Variants in MAN1A1 observed in about 807,000 individuals in gnomAD.
The protein encoded by MAN1A1 is mannosyl-oligosaccharide 1,2-alpha-mannosidase IA.
A neutral mutation model predicts 70.8 loss-of-function variants in MAN1A1; 29 were observed. That is an observed-to-expected ratio of 0.41 (90% CI 0.31 to 0.56). MAN1A1 has a LOEUF of 0.56. Ranked by LOEUF, MAN1A1 falls within the 20% of genes least tolerant of loss-of-function variation. The pLI is 0.29. For synonymous variants in MAN1A1, 349 were observed against 330.1 expected (o/e 1.06, Z -0.62); for missense variants, 747 against 841.3 (o/e 0.89, Z 1.39).
At chr6:119,286,246 A>C (rs961359969) in intron 5 of MAN1A1, among the ~76,000 whole-genome samples, 5 of 152,062 alleles carry the variant, frequency 3.3e-5, no homozygotes, top group African/African-American at 1.2e-4. Context: ...TTTTCTAGAG[A>C]ATTTCTAAAC....
intron 2 of MAN1A1, among the ~76,000 whole-genome samples, chr6:119,343,982 A>G (rs2114512319): frequency 1.3e-5 from 2 of 152,326 alleles, no homozygotes; most frequent in South Asian, 4.1e-4. Flanking sequence ...AATTCTCTTC[A>G]ATGAAAAATT....
At chr6:119,206,332 C>T (rs1385385505) in intron 6 of MAN1A1, among the ~76,000 whole-genome samples, 1 of 152,112 alleles carries the variant, frequency 6.6e-6, no homozygotes, top group Non-Finnish European at 1.5e-5. Context: ...TGTTTTTTGC[C>T]ATGTATCAGT....
chr6:119,207,842 G>A (rs569050388), intron 6 of MAN1A1, among the ~76,000 whole-genome samples: 11 of 152,208 alleles, frequency 7.2e-5, no homozygotes, highest in East Asian at 5.8e-4. Context: ...ACAGTGTCTC[G>A]GGCATTCCCG....
intron 4 of MAN1A1, among the ~76,000 whole-genome samples, chr6:119,298,156 G>A (rs190256715): frequency 3.3e-5 from 5 of 152,258 alleles, no homozygotes; most frequent in Middle Eastern, 3.4e-3. Flanking sequence ...ATTACTTTGA[G>A]TTAAAATTAG....
In MAN1A1 at chr6:119,266,052, G is replaced by A. The variant is rs78053366; in HGVS notation, c.898-17698C>T. Among the ~76,000 whole-genome samples the A allele has an allele frequency of 5.9e-3, 899 of 151,958 alleles. 29 individuals carry two copies. The East Asian group carries it at 0.09, about 15-fold the overall frequency. On this transcript the variant is annotated intron_variant, in intron 5 of 12. Transcript: ENST00000368468. Reference sequence around the variant, plus strand: ...AAAAATGAAATACTTAGATATAAACGTAACAAAATATGTACAAGATCCATA... The same window carrying A: ...AAAAATGAAATACTTAGATATAAACATAACAAAATATGTACAAGATCCATA...
At chr6:119,258,994 G>GT (rs1205723472) in intron 5 of MAN1A1, among the ~76,000 whole-genome samples, 1 of 152,080 alleles carries the variant, frequency 6.6e-6, no homozygotes, top group South Asian at 2.1e-4. Context: ...AGGAACAAGT[G>GT]TTTTTTAAAA....
At chr6:119,301,314 A>AT (rs2114439837) in intron 4 of MAN1A1, among the ~76,000 whole-genome samples, 1 of 152,350 alleles carries the variant, frequency 6.6e-6, no homozygotes, top group South Asian at 2.1e-4. Flanking sequence ...ATTAGAGCTG[A>AT]TAAGACGTAG....
intron 2 of MAN1A1, among the ~76,000 whole-genome samples, chr6:119,319,362 T>A (rs751125881): frequency 2.8e-5 from 3 of 107,100 alleles, no homozygotes; most frequent in Admixed American, 1.7e-4. Context: ...ATGGTAAAAA[T>A]AATAATAATA....
At chr6:119,216,371 C>T (rs1360788842) in intron 6 of MAN1A1, among the ~76,000 whole-genome samples, 2 of 152,056 alleles carry the variant, frequency 1.3e-5, no homozygotes, top group South Asian at 2.1e-4. Flanking sequence ...GATGGACTGA[C>T]GTGGAGGAAC....
At chr6:119,185,045 A>C (rs981862921) in intron 11 of MAN1A1, among the ~76,000 whole-genome samples, 1 of 152,088 alleles carries the variant, frequency 6.6e-6, no homozygotes, top group African/African-American at 2.4e-5. Flanking sequence ...GTGTGCCAGC[A>C]TGACGGGCTA....
intron 8 of MAN1A1, among the ~76,000 whole-genome samples, chr6:119,199,052 C>T (rs1026940031): frequency 2.6e-5 from 4 of 152,166 alleles, no homozygotes; most frequent in Non-Finnish European, 2.9e-5. Context: ...ATGCTTTGGT[C>T]ATTTGGAAAA....
At chr6:119,325,288 G>C (rs1045481897) in intron 2 of MAN1A1, among the ~76,000 whole-genome samples, 10 of 135,132 alleles carry the variant, frequency 7.4e-5, no homozygotes, top group Non-Finnish European at 1.0e-4. Flanking sequence ...TAGAGTTTTT[G>C]CTCCTAACTT....
Position 119,230,226 on chromosome 6 carries a change from T to A in MAN1A1, c.992+18034A>T, listed in dbSNP as rs113576364. Among the ~76,000 whole-genome samples, 15 of 152,322 alleles carry A rather than the reference T, an allele frequency of 9.8e-5. 1 individual carries two copies. Among genetic ancestry groups the A allele is most frequent in the African/African-American group, 3.6e-4 (15 of 41,584 alleles). Reference sequence around the variant, plus strand: ...GGTAAAACATGACAATCTAAAACGATCGCTCCTGATAGCTGGCATGATTTG... The same window carrying A: ...GGTAAAACATGACAATCTAAAACGAACGCTCCTGATAGCTGGCATGATTTG... On this transcript the variant is annotated intron_variant, in intron 6 of 12. Coordinates refer to ENST00000368468, the MANE Select transcript of MAN1A1 (RefSeq NM_005907.4).
chr6:119,259,791 A>T (rs574094495), intron 5 of MAN1A1, among the ~76,000 whole-genome samples: 2 of 152,228 alleles, frequency 1.3e-5, no homozygotes, highest in African/African-American at 4.8e-5. Context: ...ATGGAAAAAC[A>T]TATTTGTACA....
intron 5 of MAN1A1, among the ~76,000 whole-genome samples, chr6:119,263,944 T>C (rs1006659212): frequency 6.6e-6 from 1 of 152,238 alleles, no homozygotes; most frequent in African/African-American, 2.4e-5. Context: ...TATGATCTCC[T>C]ATAGAAGAAA....
chr6:119,285,264 C>T (rs542543592), intron 5 of MAN1A1, among the ~76,000 whole-genome samples: 1 of 152,050 alleles, frequency 6.6e-6, no homozygotes, highest in South Asian at 2.1e-4. Flanking sequence ...AGGCATGAGC[C>T]ACCATGTCCG....
chr6:119,329,768 G>A (rs1013265221), intron 2 of MAN1A1, among the ~76,000 whole-genome samples: 12 of 152,082 alleles, frequency 7.9e-5, no homozygotes, highest in African/African-American at 2.7e-4. Flanking sequence ...CTCTGGCCTC[G>A]TTCACAGTTA....
intron 6 of MAN1A1, among the ~76,000 whole-genome samples, chr6:119,213,244 T>G (rs1031682098): frequency 6.6e-6 from 1 of 152,310 alleles, no homozygotes; most frequent in Admixed American, 6.5e-5. Context: ...TAGCTTGTGA[T>G]AAAAACAAAC....
intron 2 of MAN1A1, among the ~76,000 whole-genome samples, chr6:119,328,462 G>A (rs930320124): frequency 6.6e-6 from 1 of 152,358 alleles, no homozygotes; most frequent in East Asian, 1.9e-4. Context: ...AAAGCCACAA[G>A]CTCTCTCATC....
Sources: allele counts gnomAD v4.1 joint callset (sites outside exome capture counted in the v4.1 genomes callset), GRCh38; gene constraint gnomAD v4.1.1; transcripts MANE v1.5; gene names NCBI Gene and HGNC (gene_info 2026-07-23, HGNC 2026-07-21).